Variants in TANC1 observed in about 807,000 individuals in gnomAD.
The protein encoded by TANC1 is tetratricopeptide repeat, ankyrin repeat and coiled-coil containing 1, also known as protein TANC1.
TANC1 carries 77 observed loss-of-function variants against 149.7 expected under a neutral mutation model. That is an observed-to-expected ratio of 0.51 (90% CI 0.43 to 0.62). TANC1 has a LOEUF of 0.62. TANC1 is among the 20% of genes least tolerant of loss of function. The pLI, the probability that TANC1 is intolerant of heterozygous loss-of-function variation, is 0.00. For synonymous variants in TANC1, 854 were observed against 925.0 expected (o/e 0.92, Z 1.39); for missense variants, 1,985 against 2,321.8 (o/e 0.85, Z 2.98).
chr2:159,163,297 T>G lies in TANC1; in HGVS notation c.697T>G (p.Ser233Ala). ...DSGIIATITS[S>A]SENDDRSGSS... ...TTTCATTTCAGCCACAATTACAAGT[T>G]CATCCGAAAATGATGACCGGAGTGG... Residue 233 changes from serine to alanine, a missense_variant, in exon 8 of 27, where the codon TCA (serine) becomes GCA (alanine). Coordinates refer to ENST00000263635, the MANE Select transcript of TANC1 (RefSeq NM_033394.3). 1 of 1,613,468 alleles carries G rather than the reference T, an allele frequency of 6.2e-7. No homozygotes were observed. The highest frequency in any genetic ancestry group is 8.5e-7 in the Non-Finnish European group (1 of 1,179,632).
intron 5 of TANC1, among the ~76,000 whole-genome samples, chr2:159,143,551 CAAAAAAAAAAA>C (rs56992262): frequency 7.4e-5 from 5 of 67,300 alleles, no homozygotes; most frequent in East Asian, 5.8e-4. Flanking sequence ...GACCCCATCT[CAAAAAAAAAAA>C]AAAAAAAAAA....
intron 4 of TANC1, among the ~76,000 whole-genome samples, chr2:159,132,074 C>T (rs530729069): frequency 1.3e-5 from 2 of 152,264 alleles, no homozygotes; most frequent in South Asian, 4.1e-4. Context: ...GATTCAGTGC[C>T]TGGGCTTCAA....
At chr2:159,009,737 A>G (rs1353211382) in intron 2 of TANC1, among the ~76,000 whole-genome samples, 1 of 152,200 alleles carries the variant, frequency 6.6e-6, no homozygotes, top group Non-Finnish European at 1.5e-5. Flanking sequence ...TCAGATAGCT[A>G]GAAGAGTGGA....
rs1559508403 is a variant in TANC1 at position 159,231,060 on chromosome 2, C to A, written c.*48C>A. Reference sequence around the variant, plus strand: ...GGAATTTGGAAACGTGTGTTGACTCCTGGTGGTAAATTAAATAGTTTTTTT... The same window carrying A: ...GGAATTTGGAAACGTGTGTTGACTCATGGTGGTAAATTAAATAGTTTTTTT... On this transcript the variant is annotated 3_prime_UTR_variant, in exon 27 of 27. Transcript: ENST00000263635. The A allele has an allele frequency of 7.1e-7, 1 of 1,409,236 alleles. No homozygotes were observed. The highest frequency in any genetic ancestry group is 1.4e-5 in the South Asian group (1 of 72,332). 87.3% of individuals were successfully genotyped at this position (1,409,236 alleles called of 1,614,324 possible).
At chr2:158,998,239 C>T (rs540063031) in intron 1 of TANC1, among the ~76,000 whole-genome samples, 2 of 151,014 alleles carry the variant, frequency 1.3e-5, no homozygotes, top group Admixed American at 1.3e-4. Context: ...GAGTGAGACC[C>T]TGTCTCAAAA....
At chr2:158,998,025 A>T (rs1404617683) in intron 1 of TANC1, among the ~76,000 whole-genome samples, 1 of 152,176 alleles carries the variant, frequency 6.6e-6, no homozygotes, top group African/African-American at 2.4e-5. Flanking sequence ...GAAAAGTTTC[A>T]CTTTGGGAGA....
At chr2:158,997,852 C>G (rs190375574) in intron 1 of TANC1, among the ~76,000 whole-genome samples, 129 of 152,280 alleles carry the variant, frequency 8.5e-4, no homozygotes, top group Non-Finnish European at 1.3e-3. Flanking sequence ...CTTAGCCCTC[C>G]CTACACCTTG....
intron 4 of TANC1, among the ~76,000 whole-genome samples, chr2:159,129,155 G>T (rs28450797): frequency 1.3e-5 from 2 of 152,148 alleles, no homozygotes; most frequent in South Asian, 4.1e-4. Flanking sequence ...GCAATAAGTA[G>T]CCTCAGGTGT....
chr2:159,156,995 G>A (rs770189292), intron 7 of TANC1, among the ~76,000 whole-genome samples: 3 of 152,236 alleles, frequency 2.0e-5, no homozygotes, highest in Non-Finnish European at 4.4e-5. Context: ...AGCAGAGCAT[G>A]CCTTGCGCAA....
intron 14 of TANC1, among the ~76,000 whole-genome samples, chr2:159,180,168 T>C (rs1273171364): frequency 1.3e-5 from 2 of 152,232 alleles, no homozygotes; most frequent in Non-Finnish European, 2.9e-5. Flanking sequence ...GCTGTTATTA[T>C]TTTCTTCAGT....
chr2:159,073,704 C>G (rs1190515190), intron 3 of TANC1, among the ~76,000 whole-genome samples: 1 of 152,158 alleles, frequency 6.6e-6, no homozygotes, highest in Non-Finnish European at 1.5e-5. Context: ...TCAGAAAGTT[C>G]CATGTATATG....
intron 3 of TANC1, among the ~76,000 whole-genome samples, chr2:159,094,774 TGGGGG>T (rs368971756): frequency 1.9e-5 from 1 of 53,416 alleles, no homozygotes; most frequent in Non-Finnish European, 3.9e-5. Context: ...TGTGTGTGTG[TGGGGG>T]GGGGGTGGGG....
At chr2:159,192,690 C>T (rs1426952360) in intron 16 of TANC1, among the ~76,000 whole-genome samples, 1 of 152,108 alleles carries the variant, frequency 6.6e-6, no homozygotes, top group Non-Finnish European at 1.5e-5. Flanking sequence ...TGCTCTGTCC[C>T]CCAGGCTGGA....
chr2:159,115,546 A>C (rs542860293), intron 4 of TANC1, among the ~76,000 whole-genome samples: 1 of 152,276 alleles, frequency 6.6e-6, no homozygotes, highest in East Asian at 1.9e-4. Flanking sequence ...AGTCCTTTTA[A>C]TCTCATGGCA....
chr2:159,113,013 C>T (rs171933), intron 4 of TANC1, among the ~76,000 whole-genome samples: 20,347 of 152,036 alleles, frequency 0.13, 2,223 homozygotes, highest in East Asian at 0.59. Flanking sequence ...CGGCTCATTG[C>T]AACCTCTTCC....
intron 2 of TANC1, among the ~76,000 whole-genome samples, chr2:159,028,229 T>A (rs913915344): frequency 1.3e-5 from 2 of 151,848 alleles, no homozygotes; most frequent in African/African-American, 4.8e-5. Flanking sequence ...CCAGGGATTC[T>A]CCTGCCTTAG....
rs1022358294 is a variant in TANC1, at chr2:159,228,122, G to A, written c.4050+157G>A. On this transcript the variant is annotated intron_variant, in intron 25 of 26. Transcript: ENST00000263635. ...GGCATGTGGGAAACAGCTCCTATCC[G>A]TGACTATCGTTTGGTCACGGCTGCT... The A allele has an allele frequency of 3.8e-5, 30 of 779,252 alleles. No homozygotes were observed. The East Asian group carries it at 4.1e-4, about 11-fold the overall frequency. The allele number at this position is 779,252 out of a possible 1,614,324, so 48.3% of individuals were successfully genotyped here. A position where few individuals can be genotyped will look rare whatever the true frequency, so the allele number is the denominator to read the frequency against.
chr2:159,073,362 G>C (rs562282876), intron 3 of TANC1, among the ~76,000 whole-genome samples: 2 of 151,940 alleles, frequency 1.3e-5, no homozygotes, highest in South Asian at 2.1e-4. Flanking sequence ...TTTTCCTGGT[G>C]GGGGGCATAC....
rs1559417579 is a variant in TANC1 at position 159,185,806 on chromosome 2, C to T, written c.2526C>T (p.Leu842=). ...FLCEPRNGHA[L]LAFMFSRQEG... ...CTTCCCCTAGGAACGGGCACGCGCT[C>T]TTGGCATTCATGTTCTCGCGTCAGG... The change falls in exon 15 of 27, where the codon CTC becomes CTT. Residue 842 remains leucine, a synonymous_variant. Transcript: ENST00000263635. 1 of 1,613,958 alleles carries T rather than the reference C, an allele frequency of 6.2e-7. No homozygotes were observed. The highest frequency in any genetic ancestry group is 8.5e-7 in the Non-Finnish European group (1 of 1,179,930).
Sources: gnomAD v4.1 joint callset for allele counts (sites outside exome capture counted in the v4.1 genomes callset) on GRCh38, gnomAD v4.1.1 for gene constraint, MANE v1.5 for transcripts, NCBI Gene and HGNC (gene_info 2026-07-23, HGNC 2026-07-21) for gene names.